The following KLRG1 variants were observed in gnomAD, a reference collection of about 807,000 sequenced individuals.
KLRG1 encodes the protein killer cell lectin-like receptor subfamily G member 1.
Under a neutral mutation model 21.8 loss-of-function variants are expected in KLRG1, and 16 were observed. The observed-to-expected ratio is 0.73, with a 90% confidence interval of 0.50 to 1.11. The LOEUF (loss-of-function observed/expected upper bound fraction) is 1.11. Among genes scored for constraint, KLRG1 ranks in the 50% most tolerant of loss-of-function variants. The pLI, the probability that KLRG1 is intolerant of heterozygous loss-of-function variation, is 0.00. For missense variants in KLRG1, 173 were observed against 218.3 expected (o/e 0.79, Z 1.31); for synonymous variants, 69 against 75.9 (o/e 0.91, Z 0.47).
At chr12:8,980,644 T>G (rs148425349) in intron 1 of KLRG1, among the ~76,000 whole-genome samples, 1 of 152,060 alleles carries the variant, frequency 6.6e-6, no homozygotes, top group Admixed American at 6.6e-5. Context: ...GTCTGATAGG[T>G]GAGTGCACAC....
At chr12:9,106,197 CAG>C in the KLRG1 span, 1 of 1,200,410 alleles carries the variant, frequency 8.3e-7, no homozygotes, top group South Asian at 1.3e-5. Flanking sequence ...AATTAGGTAA[CAG>C]TACATGGGTT....
At position 9,009,570 on chromosome 12, in the gene KLRG1, G is replaced by C. The variant is rs1947585184; in HGVS notation, c.*33G>C. On this transcript the variant is annotated 3_prime_UTR_variant, in exon 5 of 5. Coordinates refer to ENST00000356986, the MANE Select transcript of KLRG1 (RefSeq NM_005810.4). ...CCACTCTGTCCTGACCCTCAGATCT[G>C]TCATGTATCCCTAAAAGGAGGGAGC... The C allele has an allele frequency of 6.2e-7, 1 of 1,607,802 alleles. No individual in the cohort carries two copies. Among genetic ancestry groups the C allele is most frequent in the Admixed American group, 1.7e-5 (1 of 59,238 alleles).
chr12:8,968,685 T>C (rs1052923376), intron 1 of KLRG1, among the ~76,000 whole-genome samples: 2 of 152,234 alleles, frequency 1.3e-5, no homozygotes, highest in Non-Finnish European at 2.9e-5. Context: ...CACAGACTTT[T>C]ACCAAGATAG....
the KLRG1 span, among the ~76,000 whole-genome samples, chr12:9,038,554 A>T: frequency 6.6e-6 from 1 of 152,202 alleles, no homozygotes; most frequent in African/African-American, 2.4e-5. Flanking sequence ...ATTGAGTAAC[A>T]GGGGACTATT....
chr12:9,189,038 G>T, the KLRG1 span, among the ~76,000 whole-genome samples: 1 of 152,076 alleles, frequency 6.6e-6, no homozygotes, highest in African/African-American at 2.4e-5. Context: ...CTCATAGATA[G>T]GAAGAATCAA....
At chr12:9,024,020 T>TA in the KLRG1 span, among the ~76,000 whole-genome samples, 19 of 56,304 alleles carry the variant, frequency 3.4e-4, no homozygotes, top group Non-Finnish European at 4.7e-4. Context: ...ACACATGGAT[T>TA]TTTTTTTTTT....
At chr12:9,046,929 A>G in the KLRG1 span, among the ~76,000 whole-genome samples, 1 of 152,164 alleles carries the variant, frequency 6.6e-6, no homozygotes, top group South Asian at 2.1e-4. Context: ...ATCACAGGTC[A>G]TTGCAGCCTC....
At chr12:9,185,814 C>CTTTTCTTTTCTTTTCTTTTCT in the KLRG1 span, among the ~76,000 whole-genome samples, 14 of 147,284 alleles carry the variant, frequency 9.5e-5, no homozygotes, top group African/African-American at 2.2e-4. Context: ...CTTTTCTTTT[C>CTTTTCTTTTCTTTTCTTTTCT]TTTTTTTTTT....
chr12:9,018,269 T>C, the KLRG1 span, among the ~76,000 whole-genome samples: 1 of 151,874 alleles, frequency 6.6e-6, no homozygotes, highest in African/African-American at 2.4e-5. Flanking sequence ...ATCCTAAAAT[T>C]TATATGGAAC....
chr12:9,201,458 C>G, the KLRG1 span: 3 of 787,182 alleles, frequency 3.8e-6, no homozygotes, highest in Non-Finnish European at 6.2e-6. Flanking sequence ...TAGCTAAATT[C>G]AACAAGAAAC....
At chr12:9,184,849 A>G in the KLRG1 span, among the ~76,000 whole-genome samples, 1 of 152,236 alleles carries the variant, frequency 6.6e-6, no homozygotes, top group Non-Finnish European at 1.5e-5. Context: ...TCTTCTGGTA[A>G]CAAAGTCAGT....
rs79551925 is a variant in KLRG1, at chr12:8,979,350, G to T, written c.-155-12856G>T. Among the ~76,000 whole-genome samples the T allele has an allele frequency of 5.5e-3, 832 of 152,242 alleles. 9 individuals carry two copies. The highest frequency in any genetic ancestry group is 0.019 in the African/African-American group (798 of 41,528). ...CATTTTTAAAAGATAATTTTTCCAA[G>T]TATAGTATTCTTGGTTTAGCTGTTT... On this transcript the variant is annotated intron_variant, in intron 1 of 4. Transcript: ENST00000539240.
chr12:9,068,688 A>G, the KLRG1 span: 1 of 1,408,324 alleles, frequency 7.1e-7, no homozygotes, highest in Middle Eastern at 1.7e-4. Flanking sequence ...CTAAACCTGA[A>G]TTTCTGTGAT....
chr12:9,033,713 G>T, the KLRG1 span, among the ~76,000 whole-genome samples: 1 of 152,234 alleles, frequency 6.6e-6, no homozygotes, highest in African/African-American at 2.4e-5. Flanking sequence ...AGGCCCAGTG[G>T]TGAGAAGTTA....
the KLRG1 span, among the ~76,000 whole-genome samples, chr12:9,020,363 A>C: frequency 9.8e-5 from 15 of 152,298 alleles, no homozygotes; most frequent in East Asian, 2.7e-3. Flanking sequence ...AATTTCTCAC[A>C]AAAGTTTCCA....
At chr12:9,193,203 C>G in the KLRG1 span, among the ~76,000 whole-genome samples, 1 of 152,132 alleles carries the variant, frequency 6.6e-6, no homozygotes, top group Non-Finnish European at 1.5e-5. Context: ...TGACTTCCAA[C>G]CTTTAAGACC....
chr12:8,986,775 A>G (rs112066472), upstream of KLRG1, among the ~76,000 whole-genome samples: 307 of 152,178 alleles, frequency 2.0e-3, 1 homozygote, highest in African/African-American at 7.2e-3. Context: ...AGTGTTGGAG[A>G]TGGGGCCTGG....
chr12:9,051,728 C>T, the KLRG1 span, among the ~76,000 whole-genome samples: 1 of 152,328 alleles, frequency 6.6e-6, no homozygotes, highest in Admixed American at 6.5e-5. Flanking sequence ...ATAAATGAGT[C>T]TCAACTGATT....
chr12:9,095,144 T>G, the KLRG1 span: 4 of 867,924 alleles, frequency 4.6e-6, no homozygotes, highest in Non-Finnish European at 6.8e-6. Flanking sequence ...CATAGGTAGC[T>G]ACTTCTTTTT....
Sources: allele counts gnomAD v4.1 joint callset (sites outside exome capture counted in the v4.1 genomes callset), GRCh38; gene constraint gnomAD v4.1.1; transcripts MANE v1.5; gene names NCBI Gene and HGNC (gene_info 2026-07-23, HGNC 2026-07-21).